ACTG2: variants seen among roughly 807,000 people sequenced by gnomAD.
The protein encoded by ACTG2 is actin gamma 2, smooth muscle.
ACTG2 carries 16 observed loss-of-function variants against 37.6 expected under a neutral mutation model. That is an observed-to-expected ratio of 0.43 (90% confidence interval 0.29 to 0.65). The LOEUF (loss-of-function observed/expected upper bound fraction) is 0.65, where lower values mean the gene tolerates loss of function less well. Ranked by LOEUF, ACTG2 falls within the 30% of genes least tolerant of loss-of-function variation. The probability of loss-of-function intolerance (pLI) is 0.18; values close to 1 mark genes in which losing one functional copy is unlikely to be tolerated. For synonymous variants in ACTG2, 181 were observed against 179.9 expected (o/e 1.01, Z -0.05); for missense variants, 238 against 490.9 (o/e 0.48, Z 4.87).
At position 73,919,779 on chromosome 2, in the gene ACTG2, C is replaced by T. The variant is rs75821291; in HGVS notation, c.*204C>T. The T allele has an allele frequency of 7.8e-3, 3,449 of 442,014 alleles. 119 individuals are homozygous for T. The highest frequency in any genetic ancestry group is 0.064 in the African/African-American group (3,190 of 49,560). The allele number at this position is 442,014 out of a possible 1,614,324, so 27.4% of individuals were successfully genotyped here. ...AGGTGCTATCATTATACCCATATTA[C>T]AGATGAGGAAATTGAGGCTCAGAGA... On this transcript the variant is annotated 3_prime_UTR_variant, in exon 9 of 9. Transcript: ENST00000345517.
intron 7 of ACTG2, among the ~76,000 whole-genome samples, chr2:73,916,331 C>T (rs1029346263): frequency 1.1e-4 from 17 of 150,328 alleles, no homozygotes; most frequent in Admixed American, 8.6e-4. Flanking sequence ...GCTGAGATCG[C>T]GCCACTGCAC....
At chr2:73,908,417 G>C (rs1680058372) in intron 3 of ACTG2, 3 of 569,342 alleles carry the variant, frequency 5.3e-6, no homozygotes, top group African/African-American at 3.7e-5. Context: ...GGAGAGTGAA[G>C]AGGAGGGAAG....
intron 3 of ACTG2, among the ~76,000 whole-genome samples, chr2:73,904,775 G>GTA (rs1485248392): frequency 4.1e-3 from 79 of 19,110 alleles, no homozygotes; most frequent in East Asian, 0.01. Context: ...GTGTGTGTGT[G>GTA]TGTATATATA....
intron 1 of ACTG2, among the ~76,000 whole-genome samples, chr2:73,898,757 C>T (rs1405704422): frequency 6.6e-6 from 1 of 151,682 alleles, no homozygotes; most frequent in Non-Finnish European, 1.5e-5. Flanking sequence ...AAGTCCTGCT[C>T]ACAGATGCTA....
intron 3 of ACTG2, among the ~76,000 whole-genome samples, chr2:73,907,477 A>G (rs1680039896): frequency 6.6e-6 from 1 of 152,060 alleles, no homozygotes; most frequent in Admixed American, 6.6e-5. Flanking sequence ...CTTCCTCTAA[A>G]ACAGTGGTTC....
chr2:73,897,727 G>A (rs1679780210), intron 1 of ACTG2, among the ~76,000 whole-genome samples: 1 of 152,204 alleles, frequency 6.6e-6, no homozygotes, highest in Non-Finnish European at 1.5e-5. Flanking sequence ...AAGTTCTGGA[G>A]GCTGGGACAT....
intron 3 of ACTG2, among the ~76,000 whole-genome samples, chr2:73,903,666 G>A (rs1481580995): frequency 6.6e-6 from 1 of 152,178 alleles, no homozygotes; most frequent in Non-Finnish European, 1.5e-5. Context: ...AATAGGCCGG[G>A]CGTGGTGGCT....
intron 2 of ACTG2, 41 bp downstream of exon 2, chr2:73,901,478 G>C (rs1416126432): frequency 6.2e-7 from 1 of 1,609,844 alleles, no homozygotes; most frequent in African/African-American, 1.3e-5. Context: ...TGAGCCACTA[G>C]GAGTAAGCGC....
At chr2:73,911,939 T>C (rs1436107241) in intron 5 of ACTG2, among the ~76,000 whole-genome samples, 1 of 152,238 alleles carries the variant, frequency 6.6e-6, no homozygotes, top group African/African-American at 2.4e-5. Context: ...CATTCATTCA[T>C]CCATCATATA....
intron 8 of ACTG2, 140 bp from the exon 9 acceptor site, chr2:73,919,292 C>CACCTTCT: frequency 9.8e-7 from 1 of 1,021,490 alleles, no homozygotes; most frequent in Non-Finnish European, 1.4e-6. Flanking sequence ...AGGTTTTGAG[C>CACCTTCT]AATAATCTAA....
At chr2:73,904,777 G>GTGTGTGTGTGTGTATATATA (rs1427483105) in intron 3 of ACTG2, among the ~76,000 whole-genome samples, 1 of 42,606 alleles carries the variant, frequency 2.3e-5, no homozygotes, top group African/African-American at 7.8e-5. Context: ...GTGTGTGTGT[G>GTGTGTGTGTGTGTATATATA]TATATATATA....
chr2:73,916,967 A>C (rs940884195), intron 8 of ACTG2, among the ~76,000 whole-genome samples: 1 of 152,216 alleles, frequency 6.6e-6, no homozygotes, highest in East Asian at 1.9e-4. Context: ...CATGGATCTC[A>C]AACATAATCC....
chr2:73,902,788 T>C (rs1679921005), intron 3 of ACTG2: 1 of 1,541,596 alleles, frequency 6.5e-7, no homozygotes, highest in Non-Finnish European at 8.7e-7. Flanking sequence ...GTCACTCACC[T>C]CCTCAGAAAT....
At chr2:73,906,250 G>A (rs1273513282) in intron 3 of ACTG2, among the ~76,000 whole-genome samples, 1 of 151,544 alleles carries the variant, frequency 6.6e-6, no homozygotes, top group African/African-American at 2.4e-5. Context: ...AGGAGATTGA[G>A]ACCATCCTGG....
At position 73,893,297 on chromosome 2, in the gene ACTG2, C is replaced by T. The variant is rs12467259; in HGVS notation, c.-37+246C>T. Among the ~76,000 whole-genome samples, 40,652 of 152,096 alleles carry T rather than the reference C, an allele frequency of 0.27. 5,678 individuals carry two copies. Among genetic ancestry groups the T allele is most frequent in the African/African-American group, 0.33 (13,848 of 41,464 alleles). On this transcript the variant is annotated intron_variant, in intron 1 of 8. Coordinates refer to ENST00000345517, the MANE Select transcript of ACTG2 (RefSeq NM_001615.4). The stretch of plus-strand genomic sequence containing the variant: ...CTCCCTGCCTCAGAATGGGGACTGG[C>T]GGGATATAATGCCTGCAGTCTCTAC...
chr2:73,912,250 C>G (rs1027319679), intron 5 of ACTG2, among the ~76,000 whole-genome samples: 1 of 152,136 alleles, frequency 6.6e-6, no homozygotes, highest in African/African-American at 2.4e-5. Flanking sequence ...CTCCACCTCC[C>G]GGGTTCAAGC....
At position 73,916,568 on chromosome 2, in the gene ACTG2, CTG is replaced by C. The variant is rs769633040; in HGVS notation, c.806-13_806-12del. 10 of 1,606,510 alleles carry C rather than the reference CTG, an allele frequency of 6.2e-6. No homozygotes were observed. Among genetic ancestry groups the C allele is most frequent in the Middle Eastern group, 1.7e-4 (1 of 5,960 alleles). ...GGAAGTGATGCCTGTTGACCAGACA[CTG>C]TGATCTCCACTAGGCATGGAGTCCG... On this transcript the variant is annotated splice_polypyrimidine_tract_variant and intron_variant, in intron 7 of 8. Coordinates refer to ENST00000345517, the MANE Select transcript of ACTG2 (RefSeq NM_001615.4).
intron 3 of ACTG2, among the ~76,000 whole-genome samples, chr2:73,904,777 G>GTGTGTGTGTATATATA (rs1427483105): frequency 7.0e-5 from 3 of 42,634 alleles, no homozygotes; most frequent in South Asian, 1.0e-3. Context: ...GTGTGTGTGT[G>GTGTGTGTGTATATATA]TATATATATA....
intron 5 of ACTG2, among the ~76,000 whole-genome samples, chr2:73,912,005 T>G (rs1680150149): frequency 6.6e-6 from 1 of 152,252 alleles, no homozygotes; most frequent in Non-Finnish European, 1.5e-5. Context: ...GGGCACACAC[T>G]GACAAATAAG....
Sources: gnomAD v4.1 joint callset for allele counts (sites outside exome capture counted in the v4.1 genomes callset) on GRCh38, gnomAD v4.1.1 for gene constraint, MANE v1.5 for transcripts, NCBI Gene and HGNC (gene_info 2026-07-23, HGNC 2026-07-21) for gene names.